ABCC4: variants seen among roughly 807,000 people sequenced by gnomAD.
ABCC4 encodes ATP binding cassette subfamily C member 4 (PEL blood group), also known as ATP-binding cassette sub-family C member 4.
ABCC4 carries 102 observed loss-of-function variants against 168.5 expected under a neutral mutation model. The ratio of observed to expected loss-of-function variants is 0.61; its 90% CI spans 0.52 to 0.71. The LOEUF (loss-of-function observed/expected upper bound fraction) is 0.71. ABCC4 is among the 30% of genes least tolerant of loss of function. ABCC4 has a pLI of 0.00. For missense variants in ABCC4, 1,402 were observed against 1,605.8 expected (o/e 0.87, Z 2.17); for synonymous variants, 617 against 590.7 (o/e 1.04, Z -0.65).
chr13:95,299,335 T>C (rs964917237), intron 1 of ABCC4, among the ~76,000 whole-genome samples: 4 of 151,364 alleles, frequency 2.6e-5, no homozygotes, highest in African/African-American at 9.7e-5. Context: ...CCTCAAGTTA[T>C]TATTTGCAGA....
Position 95,034,719 on chromosome 13 carries a change from C to T in ABCC4, c.3756G>A (p.Leu1252=). The T allele has an allele frequency of 1.2e-6, 2 of 1,614,178 alleles. No homozygotes were observed. The highest frequency in any genetic ancestry group is 1.1e-5 in the South Asian group (1 of 91,074). The change falls in exon 30 of 31, where the codon CTG becomes CTA. Residue 1252 remains leucine (L), a synonymous_variant. Transcript: ENST00000645237. ...DKIMVLDSGR[L]KEYDEPYVLL... ...AAACATACGGCTCATCATATTCTTT[C>T]AGTCTTCCTGAATCTAAAACCTGTT...
intron 4 of ABCC4, among the ~76,000 whole-genome samples, chr13:95,219,866 T>C (rs1337643930): frequency 6.6e-6 from 1 of 150,486 alleles, no homozygotes; most frequent in African/African-American, 2.4e-5. Flanking sequence ...CTGCTTTTTT[T>C]TTCCCCCCGA....
At chr13:95,238,507 C>A (rs2039841636) in intron 3 of ABCC4, among the ~76,000 whole-genome samples, 1 of 152,152 alleles carries the variant, frequency 6.6e-6, no homozygotes, top group Admixed American at 6.6e-5. Flanking sequence ...CATCACTATT[C>A]TCCTCTCCTG....
intron 20 of ABCC4, among the ~76,000 whole-genome samples, chr13:95,091,617 A>T (rs1458470927): frequency 6.6e-6 from 1 of 152,204 alleles, no homozygotes; most frequent in African/African-American, 2.4e-5. Context: ...ACTACTACCA[A>T]ACCACCACTG....
chr13:95,275,140 C>G lies in ABCC4; in HGVS notation c.74+26101G>C, dbSNP rs575781669. Among the ~76,000 whole-genome samples the G allele has an allele frequency of 3.3e-5, 5 of 152,306 alleles. No individual in the cohort carries two copies. The South Asian group carries it at 8.3e-4, about 25-fold the overall frequency. ...ACATATAAACCTCCACAGGAACATT[C>G]TGACACAGACTTCAGCCCCAGGCCT... On this transcript the variant is annotated intron_variant, in intron 1 of 30. Coordinates refer to ENST00000645237, the MANE Select transcript of ABCC4 (RefSeq NM_005845.5).
chr13:95,146,827 C>T (rs1381889544), intron 19 of ABCC4, among the ~76,000 whole-genome samples: 1 of 152,140 alleles, frequency 6.6e-6, no homozygotes, highest in South Asian at 2.1e-4. Context: ...AGACACAGGG[C>T]AAGATTCCAA....
At chr13:95,275,851 G>A (rs1383754911) in intron 1 of ABCC4, among the ~76,000 whole-genome samples, 1 of 152,016 alleles carries the variant, frequency 6.6e-6, no homozygotes. Context: ...AGTTAAAGTG[G>A]GTACGCTAAT....
intron 26 of ABCC4, chr13:95,053,759 C>G (rs1049993042): frequency 6.4e-6 from 1 of 155,726 alleles, no homozygotes; most frequent in Non-Finnish European, 1.4e-5. Context: ...GGTGGATCAC[C>G]TGAGGTCAGG....
At chr13:95,285,139 T>G (rs1425604955) in intron 1 of ABCC4, among the ~76,000 whole-genome samples, 2 of 152,062 alleles carry the variant, frequency 1.3e-5, no homozygotes, top group African/African-American at 4.8e-5. Flanking sequence ...TCCCAGCTAC[T>G]CAAAAGGCTG....
At chr13:95,103,769 C>G (rs1751059) in intron 20 of ABCC4, among the ~76,000 whole-genome samples, 56,323 of 151,916 alleles carry the variant, frequency 0.37, 10,888 homozygotes, top group Middle Eastern at 0.49. Flanking sequence ...CCACCCAAAT[C>G]TCTAAACTCT....
At chr13:95,243,806 G>A (rs2040009084) in intron 3 of ABCC4, among the ~76,000 whole-genome samples, 1 of 151,786 alleles carries the variant, frequency 6.6e-6, no homozygotes, top group Non-Finnish European at 1.5e-5. Context: ...GATTGCTTGA[G>A]CCCAGGGAGA....
chr13:95,262,631 CT>C (rs35209572), intron 1 of ABCC4, among the ~76,000 whole-genome samples: 39,173 of 142,052 alleles, frequency 0.28, 6,153 homozygotes, highest in East Asian at 0.48. Context: ...GACACTTAGA[CT>C]TTTTTTTTTT....
At chr13:95,106,309 T>C (rs2077279719) in intron 20 of ABCC4, among the ~76,000 whole-genome samples, 1 of 151,864 alleles carries the variant, frequency 6.6e-6, no homozygotes, top group African/African-American at 2.4e-5. Flanking sequence ...AACGGTTTAA[T>C]TGCTTCTTGA....
chr13:95,057,728 C>T (rs2033118784), intron 26 of ABCC4, among the ~76,000 whole-genome samples: 1 of 152,216 alleles, frequency 6.6e-6, no homozygotes, highest in Non-Finnish European at 1.5e-5. Context: ...AGAGAGAGAA[C>T]ACAGAAACTC....
At chr13:95,259,589 G>T (rs76655052) in intron 1 of ABCC4, among the ~76,000 whole-genome samples, 12,405 of 152,104 alleles carry the variant, frequency 0.082, 1,044 homozygotes, top group African/African-American at 0.21. Flanking sequence ...ATTATCTGAG[G>T]CATTGCCAGG....
intron 19 of ABCC4, among the ~76,000 whole-genome samples, chr13:95,152,332 A>G (rs1234087662): frequency 6.6e-6 from 1 of 152,218 alleles, no homozygotes; most frequent in Non-Finnish European, 1.5e-5. Flanking sequence ...GTAAAGTCCC[A>G]TTGTTCTTTA....
intron 4 of ABCC4, among the ~76,000 whole-genome samples, chr13:95,211,577 T>C (rs1376677875): frequency 6.6e-6 from 1 of 151,946 alleles, no homozygotes; most frequent in Non-Finnish European, 1.5e-5. Flanking sequence ...GTGAAGCTCA[T>C]GGAAGCGGGG....
chr13:95,156,851 A>G (rs1264422172), intron 19 of ABCC4, among the ~76,000 whole-genome samples: 1 of 151,958 alleles, frequency 6.6e-6, no homozygotes, highest in Non-Finnish European at 1.5e-5. Context: ...CCAGCACTTT[A>G]GGAGGCCAAG....
Position 95,268,313 on chromosome 13 carries a change from T to C in ABCC4, c.75-20560A>G, listed in dbSNP as rs1427439230. The stretch of plus-strand genomic sequence containing the variant: ...TCAAGTACCCAGGGACACAAAACAG[T>C]GCGAAGGCTGCAGGGACCTCTGCCT... On this transcript the variant is annotated intron_variant, in intron 1 of 30. Transcript: ENST00000645237. 2.6e-5 allele frequency among the ~76,000 whole-genome samples: 4 copies of C among 152,150 alleles called. No individual in the cohort carries two copies. The South Asian group carries it at 6.2e-4, about 24-fold the overall frequency.
Sources: allele counts gnomAD v4.1 joint callset (sites outside exome capture counted in the v4.1 genomes callset), GRCh38; gene constraint gnomAD v4.1.1; transcripts MANE v1.5; gene names NCBI Gene and HGNC (gene_info 2026-07-23, HGNC 2026-07-21).